CRTC3: variants seen among roughly 807,000 people sequenced by gnomAD.
CRTC3 encodes the protein CREB regulated transcription coactivator 3.
CRTC3 carries 26 observed loss-of-function variants against 74.5 expected under a neutral mutation model. The observed-to-expected ratio is 0.35, with a 90% CI of 0.26 to 0.48. The LOEUF (loss-of-function observed/expected upper bound fraction) is 0.48, where lower values mean the gene tolerates loss of function less well. Ranked by LOEUF, CRTC3 falls within the 20% of genes least tolerant of loss-of-function variation. The pLI is 0.99. For missense variants in CRTC3, 760 were observed against 787.3 expected (o/e 0.97, Z 0.41); for synonymous variants, 377 against 325.8 (o/e 1.16, Z -1.69).
chr15:90,593,413 A>G (rs1967845204), intron 2 of CRTC3, among the ~76,000 whole-genome samples: 1 of 152,178 alleles, frequency 6.6e-6, no homozygotes, highest in Non-Finnish European at 1.5e-5. Flanking sequence ...TTATTCTTTC[A>G]GCTTTCCTCT....
In CRTC3 at chr15:90,530,218, C is replaced by CGGCGCG. The variant is rs970129273; in HGVS notation, c.132+20_132+25dup. The CGGCGCG allele has an allele frequency of 1.7e-5, 19 of 1,135,146 alleles. No homozygotes were observed. Among genetic ancestry groups the CGGCGCG allele is most frequent in the Non-Finnish European group, 1.6e-5 (15 of 917,738 alleles). The allele number at this position is 1,135,146 out of a possible 1,614,324, so 70.3% of individuals were successfully genotyped here. On this transcript the variant is annotated intron_variant, in intron 1 of 14. Coordinates refer to ENST00000268184, the MANE Select transcript of CRTC3 (RefSeq NM_022769.5). This position sits in a 1 kb window ranked among gnomAD's most constrained non-coding sequence, Gnocchi z 6.2. ...CCCTGTCGCGGGTGAGGGCCCGGGC[C>CGGCGCG]GGCGCGGGCGGGGGCGGCCACGGCC...
rs145433264 is a variant in CRTC3, at chr15:90,564,527, C to T, written c.231+24390C>T. On this transcript the variant is annotated intron_variant, in intron 2 of 14. Coordinates refer to ENST00000268184, the MANE Select transcript of CRTC3 (RefSeq NM_022769.5). ...TTTAGCTTGTGGAACTTATCATCCC[C>T]GCCATCCAGTAAAGGCTACAAAGGC... Among the ~76,000 whole-genome samples the T allele has an allele frequency of 9.9e-5, 15 of 152,246 alleles. No individual in the cohort carries two copies. In the East Asian group the frequency reaches 2.3e-3, roughly 24 times the overall value.
intron 9 of CRTC3, among the ~76,000 whole-genome samples, chr15:90,623,253 T>C (rs1428185676): frequency 6.6e-6 from 1 of 152,172 alleles, no homozygotes; most frequent in African/African-American, 2.4e-5. Context: ...TCCTTCCTGC[T>C]TACCCATCAT....
rs115471197 is a variant in CRTC3 at position 90,570,095 on chromosome 15, G to C, written c.232-23541G>C. Among the ~76,000 whole-genome samples, 1,455 of 152,300 alleles carry C rather than the reference G, an allele frequency of 9.6e-3. 20 individuals carry two copies. The highest frequency in any genetic ancestry group is 0.032 in the African/African-American group (1,312 of 41,544). On this transcript the variant is annotated intron_variant, in intron 2 of 14. Transcript: ENST00000268184. ...AGGAATACAATTATATGGACTGATG[G>C]TTATAGGAGTATATGAAGTTTTCAC...
chr15:90,624,077 G>A (rs532842729), intron 9 of CRTC3, among the ~76,000 whole-genome samples: 5 of 152,182 alleles, frequency 3.3e-5, no homozygotes, highest in South Asian at 4.2e-4. Context: ...TTATGTTGCC[G>A]GTTATGCTCC....
rs1371721070 is a variant in CRTC3 at position 90,619,769 on chromosome 15, C to T, written c.728C>T (p.Ser243Phe). Residue 243 changes from serine to phenylalanine, a missense_variant, in exon 9 of 15, where the codon TCC becomes TTC. By Grantham distance (155) the Ser-to-Phe change is radical. Transcript: ENST00000268184. The part of the protein sequence containing the change: ...EIQSLSGRPR[S>F]CDVGGGNAFP... ...CAGTCCCTGTCAGGACGCCCTCGAT[C>T]CTGTGATGTTGGAGGTGGCAAGTAA... The T allele has an allele frequency of 1.9e-6, 3 of 1,613,894 alleles. No individual in the cohort carries two copies. The highest frequency in any genetic ancestry group is 2.7e-5 in the African/African-American group (2 of 75,022).
Position 90,603,409 on chromosome 15 carries a change from C to T in CRTC3, c.414-976C>T, listed in dbSNP as rs541993257. ...AGTGAGCCGAGATCACGCCACTGCA[C>T]TCCAGCCTGGGTGACAGAGCGAGAC... On this transcript the variant is annotated intron_variant, in intron 4 of 14. Transcript: ENST00000268184. Among the ~76,000 whole-genome samples the T allele has an allele frequency of 1.3e-4, 20 of 152,004 alleles. 1 individual carries two copies. Among genetic ancestry groups the T allele is most frequent in the African/African-American group, 3.1e-4 (13 of 41,468 alleles).
chr15:90,602,232 A>G, intron 3 of CRTC3, 92 bp from the exon 4 acceptor site: 1 of 771,082 alleles, frequency 1.3e-6, no homozygotes, highest in East Asian at 2.7e-5. Context: ...AAGGAACCAA[A>G]AACTCAGTTG....
Position 90,629,383 on chromosome 15 carries a change from T to C in CRTC3, c.1117T>C (p.Ser373Pro). ...CCGTCTGTTTTCCCTTAGCAACCCA[T>C]CTCTTTCCACCACAAACCTGAGCGG... ...SLRLFSLSNP[S>P]LSTTNLSGPS... The change falls in exon 11 of 15, where the codon TCT (serine) becomes CCT (proline). Residue 373 changes from serine to proline, a missense_variant. Physicochemically the swap from Ser to Pro is moderately conservative, Grantham distance 74 (BLOSUM62 -1). This residue lies in a region of CRTC3 where 652 missense variants were observed against 635.2 expected (regional missense o/e 1.03). Transcript: ENST00000268184. 2 of 1,613,710 alleles carry C rather than the reference T, an allele frequency of 1.2e-6. No individual in the cohort carries two copies. Among genetic ancestry groups the C allele is most frequent in the Non-Finnish European group, 1.7e-6 (2 of 1,179,906 alleles).
At chr15:90,607,747 C>G (rs1968262632) in intron 6 of CRTC3, among the ~76,000 whole-genome samples, 3 of 152,224 alleles carry the variant, frequency 2.0e-5, no homozygotes, top group Admixed American at 2.0e-4. Flanking sequence ...CTTCTAATAA[C>G]TTCCTGACTG....
chr15:90,568,752 A>G (rs1372391468), intron 2 of CRTC3, among the ~76,000 whole-genome samples: 2 of 152,196 alleles, frequency 1.3e-5, no homozygotes, highest in Non-Finnish European at 2.9e-5. Flanking sequence ...TTGTTGTCAT[A>G]TTTTAAGAAA....
At chr15:90,572,161 C>CA (rs56906718) in intron 2 of CRTC3, among the ~76,000 whole-genome samples, 2,500 of 124,320 alleles carry the variant, frequency 0.02, 35 homozygotes, top group Non-Finnish European at 0.032. Flanking sequence ...GATTCTTTCT[C>CA]AAAAAAAAAA....
At chr15:90,594,902 C>T (rs572273111) in intron 3 of CRTC3, 4 of 152,248 alleles carry the variant, frequency 2.6e-5, no homozygotes, top group Admixed American at 2.0e-4. Flanking sequence ...CTAGGGAAAC[C>T]CCAACTTTTC....
In CRTC3 at chr15:90,529,972, C is replaced by T. The variant is rs2151050873; in HGVS notation, c.-100C>T. The stretch of plus-strand genomic sequence containing the variant: ...CTGCCGGGTCGCGCCGGACGACTGG[C>T]TTCGGGCGGCGGCCCCGGCGGCCTG... On this transcript the variant is annotated 5_prime_UTR_variant, in exon 1 of 15. Transcript: ENST00000268184. The T allele has an allele frequency of 1.0e-6, 1 of 960,116 alleles. No homozygotes were observed. The highest frequency in any genetic ancestry group is 1.3e-6 in the Non-Finnish European group (1 of 773,070). 59.5% of individuals were successfully genotyped at this position (960,116 alleles called of 1,614,324 possible).
intron 9 of CRTC3, among the ~76,000 whole-genome samples, chr15:90,624,594 G>A (rs944988816): frequency 1.3e-5 from 2 of 152,126 alleles, no homozygotes; most frequent in African/African-American, 2.4e-5. Context: ...AGCCCATCCT[G>A]ACATGGACAA....
At chr15:90,576,304 G>A (rs569532857) in intron 2 of CRTC3, among the ~76,000 whole-genome samples, 1 of 152,090 alleles carries the variant, frequency 6.6e-6, no homozygotes, top group Non-Finnish European at 1.5e-5. Flanking sequence ...GACCAGACTT[G>A]GTGATGACTG....
intron 10 of CRTC3, among the ~76,000 whole-genome samples, chr15:90,628,899 T>C (rs191298804): frequency 7.4e-4 from 112 of 152,268 alleles, no homozygotes; most frequent in African/African-American, 2.5e-3. Flanking sequence ...TGTACAGCCC[T>C]AGGGTCCTTT....
chr15:90,596,295 G>A (rs1204017471), intron 3 of CRTC3: 1 of 152,360 alleles, frequency 6.6e-6, no homozygotes, highest in Non-Finnish European at 1.5e-5. Context: ...TGGGAGGTAT[G>A]TTCCAGGCAG....
chr15:90,613,363 T>C (rs1425375845), intron 6 of CRTC3, among the ~76,000 whole-genome samples: 2 of 152,166 alleles, frequency 1.3e-5, no homozygotes, highest in African/African-American at 2.4e-5. Context: ...TCTGTGGGCC[T>C]GAAAGAAATT....
Sources: gnomAD v4.1 joint callset for allele counts (sites outside exome capture counted in the v4.1 genomes callset) on GRCh38, gnomAD v4.1.1 for gene constraint, gnomAD v4.1.1 regional missense constraint, Gnocchi (gnomAD v3.1) non-coding constraint, MANE v1.5 for transcripts, NCBI Gene and HGNC (gene_info 2026-07-23, HGNC 2026-07-21) for gene names.